CEACAM16: variants seen among roughly 807,000 people sequenced by gnomAD.
The protein encoded by CEACAM16 is cell adhesion molecule CEACAM16.
Under a neutral mutation model 39.4 loss-of-function variants are expected in CEACAM16, and 30 were observed. The ratio of observed to expected loss-of-function variants is 0.76; its 90% CI spans 0.57 to 1.03. The LOEUF (loss-of-function observed/expected upper bound fraction) is 1.03, where lower values mean the gene tolerates loss of function less well. CEACAM16 is among the 50% of genes least tolerant of loss of function. The pLI, the probability that CEACAM16 is intolerant of heterozygous loss-of-function variation, is 0.00. For missense variants in CEACAM16, 521 were observed against 585.3 expected (o/e 0.89, Z 1.13); for synonymous variants, 262 against 264.9 (o/e 0.99, Z 0.11).
At position 44,703,674 on chromosome 19, in the gene CEACAM16, C is replaced by T. The variant is rs557864058; in HGVS notation, c.363C>T (p.Tyr121=). 58 of 1,554,366 alleles carry T rather than the reference C, an allele frequency of 3.7e-5. No individual in the cohort carries two copies. The South Asian group carries it at 5.9e-4, about 16-fold the overall frequency. The change falls in exon 3 of 7, where the codon TAC becomes TAT. Residue 121 remains tyrosine (Y), a synonymous_variant. Coordinates refer to ENST00000587331, the MANE Select transcript of CEACAM16 (RefSeq NM_001039213.4). ...FNRQLQTEVG[Y]GHVQVHEILA... is the part of the protein sequence containing the mutation. The stretch of plus-strand genomic sequence containing the variant: ...GGCAGTTGCAGACCGAGGTGGGCTA[C>T]GGACACGTGCAGGTCCATGGTGAGA...
At chr19:44,707,297 T>C (rs183309492) in intron 5 of CEACAM16, among the ~76,000 whole-genome samples, 1 of 152,240 alleles carries the variant, frequency 6.6e-6, no homozygotes, top group Admixed American at 6.5e-5. Context: ...CCCAACTTGA[T>C]TGGAAAAACT....
At position 44,708,184 on chromosome 19, in the gene CEACAM16, G is replaced by A. The variant is rs1170135255; in HGVS notation, c.1264G>A (p.Ala422Thr). 2 of 1,564,618 alleles carry A rather than the reference G, an allele frequency of 1.3e-6. No homozygotes were observed. The highest frequency in any genetic ancestry group is 8.7e-7 in the Non-Finnish European group (1 of 1,147,790). The stretch of plus-strand genomic sequence containing the variant: ...GACACTGGAAGTGGAGCTGCAGGTG[G>A]CCCGTGAGTGTGTGGGAAGGGGCAA... ...TETLEVELQV[A>T]PLG Residue 422 changes from alanine to threonine, a missense_variant, in exon 6 of 7, where the codon GCC becomes ACC. Ala to Thr is a moderately conservative substitution (Grantham distance 58, BLOSUM62 0). Coordinates refer to ENST00000587331, the MANE Select transcript of CEACAM16 (RefSeq NM_001039213.4).
At chr19:44,702,670 C>A (rs13346314) in intron 2 of CEACAM16, among the ~76,000 whole-genome samples, 1 of 152,228 alleles carries the variant, frequency 6.6e-6, no homozygotes, top group South Asian at 2.1e-4. Flanking sequence ...CCGCTGTAGG[C>A]GAGCTTGGAG....
chr19:44,699,986 C>T (rs1319716406), intron 1 of CEACAM16, among the ~76,000 whole-genome samples: 5 of 151,606 alleles, frequency 3.3e-5, no homozygotes, highest in African/African-American at 9.7e-5. Flanking sequence ...CCACCATGAC[C>T]GGCTAACTTT....
Position 44,705,884 on chromosome 19 carries a change from C to A in CEACAM16, c.940+16C>A. On this transcript the variant is annotated intron_variant, in intron 5 of 6. Transcript: ENST00000587331. The stretch of plus-strand genomic sequence containing the variant: ...AAGCTCTCTGGTGAGTCACCCCCAG[C>A]CTGACCACCCCCCAGTCCCCATGGA... 1.2e-6 allele frequency: 2 copies of A among 1,603,170 alleles called. No homozygotes were observed. Among genetic ancestry groups the A allele is most frequent in the Non-Finnish European group, 8.5e-7 (1 of 1,171,820 alleles).
At chr19:44,703,262 A>G (rs2965167) in intron 2 of CEACAM16, 87 bp from the exon 3 acceptor site, 567,524 of 1,233,440 alleles carry the variant, frequency 0.46, 136,249 homozygotes, top group Non-Finnish European at 0.5. Flanking sequence ...GGCTGGGGAC[A>G]TGCCCCGAGC....
intron 5 of CEACAM16, among the ~76,000 whole-genome samples, chr19:44,706,312 A>ACACACACAC (rs1568528641): frequency 4.1e-5 from 6 of 147,164 alleles, no homozygotes; most frequent in Non-Finnish European, 8.9e-5. Flanking sequence ...ACACACACAC[A>ACACACACAC]ACTGAAGAAT....
At chr19:44,709,581 G>C (rs1029295874) in intron 6 of CEACAM16, among the ~76,000 whole-genome samples, 1 of 143,192 alleles carries the variant, frequency 7.0e-6, no homozygotes, top group Non-Finnish European at 1.5e-5. Context: ...ATCAGACCGG[G>C]AGCTCCCAGA....
At chr19:44,706,830 T>C (rs1450997138) in intron 5 of CEACAM16, among the ~76,000 whole-genome samples, 3 of 152,184 alleles carry the variant, frequency 2.0e-5, no homozygotes, top group Non-Finnish European at 4.4e-5. Flanking sequence ...TCTAGCACTG[T>C]CAGCAACTCT....
rs541364494 is a variant in CEACAM16, at chr19:44,699,692, C to T, written c.-97+432C>T. On this transcript the variant is annotated intron_variant, in intron 1 of 6. Transcript: ENST00000587331. Reference sequence around the variant, plus strand: ...GCGTCCGGCCATGAGCCACCACGCCCGGCCAGAGCCTATACTTTTAATAAC... The same window carrying T: ...GCGTCCGGCCATGAGCCACCACGCCTGGCCAGAGCCTATACTTTTAATAAC... Among the ~76,000 whole-genome samples, 45 of 152,094 alleles carry T rather than the reference C, an allele frequency of 3.0e-4. 1 individual carries two copies. The highest frequency in any genetic ancestry group is 9.2e-4 in the Admixed American group (14 of 15,282).
rs763002767 is a variant in CEACAM16 at position 44,710,534 on chromosome 19, G to A, written c.*28G>A. 2 of 1,613,560 alleles carry A rather than the reference G, an allele frequency of 1.2e-6. No individual in the cohort carries two copies. The highest frequency in any genetic ancestry group is 1.7e-6 in the Non-Finnish European group (2 of 1,179,700). On this transcript the variant is annotated 3_prime_UTR_variant, in exon 7 of 7. Coordinates refer to ENST00000587331, the MANE Select transcript of CEACAM16 (RefSeq NM_001039213.4). ...GCGTGACCCTGGAGACGTCCAGAGA[G>A]AAGAGCTCTTCGCACCATCCTCTGG...
chr19:44,708,172 G>A lies in CEACAM16; in HGVS notation c.1252G>A (p.Glu418Lys), dbSNP rs908301068. Residue 418 changes from glutamate to lysine, a missense_variant, in exon 6 of 7, where the codon GAG (glutamate) becomes AAG (lysine). Transcript: ENST00000587331. ...VQGKTETLEV[E>K]LQVAPLG ...GGGCAAGACTGAGACACTGGAAGTG[G>A]AGCTGCAGGTGGCCCGTGAGTGTGT... The A allele has an allele frequency of 1.3e-6, 2 of 1,574,512 alleles. No individual in the cohort carries two copies. Among genetic ancestry groups the A allele is most frequent in the Non-Finnish European group, 1.7e-6 (2 of 1,152,790 alleles).
At chr19:44,706,498 C>T (rs749828295) in intron 5 of CEACAM16, among the ~76,000 whole-genome samples, 15 of 152,184 alleles carry the variant, frequency 9.9e-5, no homozygotes, top group Non-Finnish European at 2.2e-4. Context: ...ATTAAGGCCT[C>T]ATTAATTCTA....
chr19:44,700,293 C>T (rs1450245684), intron 1 of CEACAM16, among the ~76,000 whole-genome samples: 1 of 152,166 alleles, frequency 6.6e-6, no homozygotes, highest in African/African-American at 2.4e-5. Flanking sequence ...GCGTTAGCCA[C>T]CACACCCAGC....
intron 2 of CEACAM16, among the ~76,000 whole-genome samples, chr19:44,702,513 C>T (rs1215438607): frequency 6.6e-6 from 1 of 152,268 alleles, no homozygotes; most frequent in African/African-American, 2.4e-5. Context: ...GTCCTTTTGA[C>T]GTGAGCACTG....
intron 5 of CEACAM16, 101 bp from the exon 6 acceptor site, chr19:44,707,759 TG>T (rs1974471814): frequency 9.8e-7 from 1 of 1,023,740 alleles, no homozygotes; most frequent in Non-Finnish European, 1.4e-6. Context: ...GCACCCTACA[TG>T]GGGAGTGCCA....
chr19:44,705,812 C>G lies in CEACAM16; in HGVS notation c.884C>G (p.Ala295Gly). 6.2e-7 allele frequency: 1 copy of G among 1,613,956 alleles called. No homozygotes were observed. Among genetic ancestry groups the G allele is most frequent in the Non-Finnish European group, 8.5e-7 (1 of 1,179,888 alleles). ...CAGGAGGGGACGTACACATGTATTGCGAAGAACACCAAGACCCTGCTATCT... is the reference window on the plus strand; with the variant it reads ...CAGGAGGGGACGTACACATGTATTGGGAAGAACACCAAGACCCTGCTATCT... ...AAQEGTYTCI[A>G]KNTKTLLSGS... Residue 295 changes from alanine (A) to glycine (G), a missense_variant, in exon 5 of 7, where the codon GCG becomes GGG. Ala to Gly is a moderately conservative substitution (Grantham distance 60, BLOSUM62 0). Transcript: ENST00000587331.
At position 44,708,201 on chromosome 19, in the gene CEACAM16, A is replaced by G. The variant is rs1211866486; in HGVS notation, c.1267+14A>G. 1.3e-6 allele frequency: 2 copies of G among 1,543,716 alleles called. No homozygotes were observed. Among genetic ancestry groups the G allele is most frequent in the Non-Finnish European group, 1.8e-6 (2 of 1,136,570 alleles). ...TGCAGGTGGCCCGTGAGTGTGTGGG[A>G]AGGGGCAAGGCGTGCCCCTTTTTAG... On this transcript the variant is annotated intron_variant, in intron 6 of 6. Coordinates refer to ENST00000587331, the MANE Select transcript of CEACAM16 (RefSeq NM_001039213.4).
Position 44,701,276 on chromosome 19 carries a change from C to A in CEACAM16, c.-96-85C>A, listed in dbSNP as rs1974340707. 3 of 733,160 alleles carry A rather than the reference C, an allele frequency of 4.1e-6. No homozygotes were observed. The African/African-American group carries it at 5.2e-5, about 13-fold the overall frequency. The allele number at this position is 733,160 out of a possible 1,614,324, so 45.4% of individuals were successfully genotyped here. A position where few individuals can be genotyped will look rare whatever the true frequency, so the allele number is the denominator to read the frequency against. The stretch of plus-strand genomic sequence containing the variant: ...GTGCCCGCCACACCCACCCTGGTAC[C>A]CAAACCGGGCCCCAGATCCTTGGTG... On this transcript the variant is annotated intron_variant, in intron 1 of 6. Coordinates refer to ENST00000587331, the MANE Select transcript of CEACAM16 (RefSeq NM_001039213.4). This position sits in a 1 kb window ranked among gnomAD's most constrained non-coding sequence, Gnocchi z 4.0.
Sources: allele counts gnomAD v4.1 joint callset (sites outside exome capture counted in the v4.1 genomes callset), GRCh38; gene constraint gnomAD v4.1.1; non-coding constraint Gnocchi (gnomAD v3.1); transcripts MANE v1.5; gene names NCBI Gene and HGNC (gene_info 2026-07-23, HGNC 2026-07-21).